TRIM37: variants seen among roughly 807,000 people sequenced by gnomAD.
TRIM37 encodes tripartite motif containing 37, also known as E3 ubiquitin-protein ligase TRIM37.
Under a neutral mutation model 129.8 loss-of-function variants are expected in TRIM37, and 80 were observed. That is an observed-to-expected ratio of 0.62 (90% CI 0.51 to 0.74). The LOEUF (loss-of-function observed/expected upper bound fraction) is 0.74, where lower values mean the gene tolerates loss of function less well. TRIM37 is among the 30% of genes least tolerant of loss of function. The pLI is 0.00. For synonymous variants in TRIM37, 389 were observed against 387.1 expected (o/e 1.00, Z -0.06); for missense variants, 1,054 against 1,176.5 (o/e 0.90, Z 1.52).
intron 23 of TRIM37, 128 bp downstream of exon 23, chr17:59,001,470 G>T: frequency 1.0e-4 from 94 of 926,374 alleles, no homozygotes; most frequent in Non-Finnish European, 1.4e-4. Flanking sequence ...AAAAAAAAAA[G>T]AAGTAGAAGC....
chr17:58,989,688 A>G (rs116518913), intron 24 of TRIM37, among the ~76,000 whole-genome samples: 1,629 of 152,292 alleles, frequency 0.011, 35 homozygotes, highest in African/African-American at 0.037. Flanking sequence ...GAAACACAAC[A>G]GAAAAAAATG....
At chr17:59,005,999 G>A (rs1167986435) in intron 22 of TRIM37, among the ~76,000 whole-genome samples, 3 of 152,112 alleles carry the variant, frequency 2.0e-5, no homozygotes, top group Non-Finnish European at 4.4e-5. Context: ...CTTGCCCTAA[G>A]TAGATTCCTT....
chr17:58,993,525 G>A (rs540864326), downstream of TRIM37, among the ~76,000 whole-genome samples: 5 of 152,316 alleles, frequency 3.3e-5, no homozygotes, highest in African/African-American at 4.8e-5. Flanking sequence ...TTTGCGAAGC[G>A]AGAGGTCAAA....
At chr17:59,102,741 T>C (rs993360738) in intron 2 of TRIM37, among the ~76,000 whole-genome samples, 4 of 152,342 alleles carry the variant, frequency 2.6e-5, no homozygotes, top group African/African-American at 9.6e-5. Flanking sequence ...GCTATAGAGT[T>C]CTTGAACTTA....
At chr17:58,997,014 G>A (rs961481624), downstream of TRIM37, among the ~76,000 whole-genome samples, 13 of 152,118 alleles carry the variant, frequency 8.5e-5, no homozygotes, top group African/African-American at 2.4e-4. Context: ...AAGGAAAGGC[G>A]GAAGAGCTGT....
At chr17:59,032,120 A>G in intron 17 of TRIM37, 30 bp from the exon 18 acceptor site, 1 of 1,604,910 alleles carries the variant, frequency 6.2e-7, no homozygotes, top group Non-Finnish European at 8.5e-7. Context: ...AATGATATAT[A>G]TATGCACAAA....
chr17:59,103,687 C>T (rs1200357014), intron 2 of TRIM37, among the ~76,000 whole-genome samples: 1 of 140,422 alleles, frequency 7.1e-6, no homozygotes, highest in Non-Finnish European at 1.5e-5. Flanking sequence ...CTCACTCTGT[C>T]GCCAGGCTGG....
chr17:58,998,689 G>T lies in TRIM37; in HGVS notation c.*688C>A, dbSNP rs1029363300. On this transcript the variant is annotated 3_prime_UTR_variant, in exon 24 of 24. Coordinates refer to ENST00000262294, the MANE Select transcript of TRIM37 (RefSeq NM_015294.6). ...AAGAATTTTAAATAATCTTACACGT[G>T]TCTACAGGGCCAGGAACGTAATGAA... is the stretch of plus-strand genomic sequence containing the variant. 4 of 985,272 alleles carry T rather than the reference G, an allele frequency of 4.1e-6. No homozygotes were observed. Among genetic ancestry groups the T allele is most frequent in the Non-Finnish European group, 4.8e-6 (4 of 829,928 alleles). The allele number at this position is 985,272 out of a possible 1,614,324, so 61.0% of individuals were successfully genotyped here. A position where few individuals can be genotyped will look rare whatever the true frequency, so the allele number is the denominator to read the frequency against.
intron 17 of TRIM37, among the ~76,000 whole-genome samples, chr17:59,039,673 A>C (rs2038944456): frequency 6.6e-6 from 1 of 151,946 alleles, no homozygotes; most frequent in Non-Finnish European, 1.5e-5. Flanking sequence ...TAAGAATTAA[A>C]GCTCTTCTCT....
chr17:59,057,237 T>C (rs1435372236), intron 12 of TRIM37, among the ~76,000 whole-genome samples, 183 bp from the exon 13 acceptor site: 1 of 152,224 alleles, frequency 6.6e-6, no homozygotes, highest in Non-Finnish European at 1.5e-5. Context: ...TTATTTAAGA[T>C]GGAGTTTCAC....
chr17:58,972,729 C>A, the TRIM37 span: 1 of 1,041,034 alleles, frequency 9.6e-7, no homozygotes, highest in Non-Finnish European at 1.5e-6. Flanking sequence ...CAAAGAGAAC[C>A]TTTTCATGAG....
At chr17:59,040,242 A>T (rs1217815204) in intron 17 of TRIM37, among the ~76,000 whole-genome samples, 1 of 152,118 alleles carries the variant, frequency 6.6e-6, no homozygotes, top group Admixed American at 6.6e-5. Context: ...CAGAAAGAAA[A>T]AAACACCCTC....
chr17:59,042,418 A>G (rs2039278284), intron 16 of TRIM37, among the ~76,000 whole-genome samples: 1 of 105,146 alleles, frequency 9.5e-6, no homozygotes, highest in African/African-American at 3.6e-5. Flanking sequence ...GAAAGCTAAG[A>G]AAAAAAGGAA....
intron 19 of TRIM37, among the ~76,000 whole-genome samples, chr17:59,023,112 G>C (rs2036809164): frequency 6.6e-6 from 1 of 151,946 alleles, no homozygotes; most frequent in Non-Finnish European, 1.5e-5. Flanking sequence ...AGTCTCACTT[G>C]TCACCTAGGC....
At chr17:59,038,078 C>G (rs183361706) in intron 17 of TRIM37, among the ~76,000 whole-genome samples, 90 of 152,248 alleles carry the variant, frequency 5.9e-4, no homozygotes, top group African/African-American at 1.7e-3. Context: ...ATGCTATCAA[C>G]ATGACCTATC....
chr17:58,990,026 A>C (rs2032207461), intron 24 of TRIM37, among the ~76,000 whole-genome samples: 1 of 151,558 alleles, frequency 6.6e-6, no homozygotes, highest in Admixed American at 6.6e-5. Context: ...TCTGAAAAAA[A>C]AAAATTAGCT....
intron 19 of TRIM37, among the ~76,000 whole-genome samples, chr17:59,022,653 T>C (rs893683462): frequency 6.6e-6 from 1 of 152,186 alleles, no homozygotes; most frequent in African/African-American, 2.4e-5. Context: ...GCATGTGACT[T>C]AGAATAGTTA....
At chr17:59,009,192 A>G (rs1191642783) in intron 22 of TRIM37, among the ~76,000 whole-genome samples, 2 of 151,894 alleles carry the variant, frequency 1.3e-5, no homozygotes, top group Non-Finnish European at 2.9e-5. Context: ...AATGGCCACA[A>G]TCTCAGCTCA....
intron 13 of TRIM37, among the ~76,000 whole-genome samples, chr17:59,052,343 A>T (rs530234846): frequency 1.3e-5 from 2 of 152,218 alleles, no homozygotes; most frequent in Non-Finnish European, 2.9e-5. Flanking sequence ...AGGAAAAACC[A>T]CAAGGCAAGA....
Sources: gnomAD v4.1 joint callset for allele counts (sites outside exome capture counted in the v4.1 genomes callset) on GRCh38, gnomAD v4.1.1 for gene constraint, MANE v1.5 for transcripts, NCBI Gene and HGNC (gene_info 2026-07-23, HGNC 2026-07-21) for gene names.